VLDLR: variants seen among roughly 807,000 people sequenced by gnomAD.
VLDLR encodes the protein very low-density lipoprotein receptor.
Under a neutral mutation model 112.7 loss-of-function variants are expected in VLDLR, and 81 were observed. The observed-to-expected ratio is 0.72, with a 90% CI of 0.60 to 0.86. The LOEUF (loss-of-function observed/expected upper bound fraction) is 0.86, where lower values mean the gene tolerates loss of function less well. VLDLR is among the 40% of genes least tolerant of loss of function. The probability of loss-of-function intolerance (pLI) is 0.00; values close to 1 mark genes in which losing one functional copy is unlikely to be tolerated. For missense variants in VLDLR, 1,237 were observed against 1,099.4 expected, an observed-to-expected ratio of 1.13 and a Z score of -1.77; for synonymous variants, 436 against 384.8, an observed-to-expected ratio of 1.13 and a Z score of -1.56.
intron 17 of VLDLR, among the ~76,000 whole-genome samples, chr9:2,652,545 C>G (rs776626264): frequency 6.6e-6 from 1 of 152,280 alleles, no homozygotes; most frequent in Non-Finnish European, 1.5e-5. Flanking sequence ...GACCGAGGAC[C>G]CTGCCCTTGC....
At position 2,644,153 on chromosome 9, in the gene VLDLR, GTTT is replaced by G. The variant is rs59793046; in HGVS notation, c.1066+214_1066+216del. Among the ~76,000 whole-genome samples the G allele has an allele frequency of 6.9e-3, 665 of 96,314 alleles. No individual in the cohort carries two copies. The highest frequency in any genetic ancestry group is 0.012 in the African/African-American group (269 of 22,114). 63.2% of individuals were successfully genotyped at this position (96,314 alleles called of 152,430 possible). On this transcript the variant is annotated intron_variant, in intron 7 of 18. Coordinates refer to ENST00000382100, the MANE Select transcript of VLDLR (RefSeq NM_003383.5). ...CTAGTTTATAGTTTTTGTTTTTGTT[GTTT>G]TTTTTTTTTTTTTTTTTTTGAGATG...
In VLDLR at chr9:2,659,425, C is replaced by T. The variant is rs558506764; in HGVS notation, c.*5557C>T. On this transcript the variant is annotated 3_prime_UTR_variant, in exon 19 of 19. Transcript: ENST00000382100. Reference sequence around the variant, plus strand: ...TACTACTAGCACTACTACATCAGGTCAGCACAGATTAACTCAGTTACGTGT... The same window carrying T: ...TACTACTAGCACTACTACATCAGGTTAGCACAGATTAACTCAGTTACGTGT... 1 of 152,224 alleles carries T rather than the reference C, an allele frequency of 6.6e-6. No homozygotes were observed. The highest frequency in any genetic ancestry group is 1.5e-5 in the Non-Finnish European group (1 of 68,040). 9.4% of individuals were successfully genotyped at this position (152,224 alleles called of 1,614,324 possible).
chr9:2,653,728 C>G (rs1818463431), intron 18 of VLDLR, 105 bp from the exon 19 acceptor site: 2 of 1,180,608 alleles, frequency 1.7e-6, no homozygotes, highest in African/African-American at 1.5e-5. Flanking sequence ...TCTAAGCACT[C>G]TGAGTGTTTG....
At chr9:2,636,839 A>AT (rs956665271) in intron 2 of VLDLR, among the ~76,000 whole-genome samples, 16 of 152,086 alleles carry the variant, frequency 1.1e-4, no homozygotes, top group African/African-American at 3.1e-4. Context: ...GTAAGTTGCA[A>AT]TTTTTTTTCC....
intron 1 of VLDLR, among the ~76,000 whole-genome samples, chr9:2,630,197 T>C (rs1179965913): frequency 6.6e-6 from 1 of 152,200 alleles, no homozygotes; most frequent in Non-Finnish European, 1.5e-5. Context: ...TGTGGTACTT[T>C]GCCTCTTACA....
chr9:2,643,816 C>T, intron 6 of VLDLR, 21 bp from the exon 7 acceptor site: 1 of 1,614,170 alleles, frequency 6.2e-7, no homozygotes, highest in Admixed American at 1.7e-5. Flanking sequence ...TGGAATCTCT[C>T]TTCTTTGTTT....
In VLDLR at chr9:2,657,128, TAA is replaced by T. The variant is rs1307113831; in HGVS notation, c.*3262_*3263del. On this transcript the variant is annotated 3_prime_UTR_variant, in exon 19 of 19. Coordinates refer to ENST00000382100, the MANE Select transcript of VLDLR (RefSeq NM_003383.5). ...ACACTGTAGAAATGGTAGACCAACT[TAA>T]AGTCTACCTTTTAACAATCTTTACC... The T allele has an allele frequency of 6.6e-6, 1 of 152,090 alleles. No homozygotes were observed. Among genetic ancestry groups the T allele is most frequent in the Non-Finnish European group, 1.5e-5 (1 of 68,008 alleles). The allele number at this position is 152,090 out of a possible 1,614,324, so 9.4% of individuals were successfully genotyped here. A position where few individuals can be genotyped will look rare whatever the true frequency, so the allele number is the denominator to read the frequency against.
chr9:2,650,915 G>A (rs946661010), intron 15 of VLDLR, among the ~76,000 whole-genome samples: 1 of 151,940 alleles, frequency 6.6e-6, no homozygotes, highest in African/African-American at 2.4e-5. Flanking sequence ...TAACACTTAG[G>A]CTGAATTTGC....
At chr9:2,623,919 T>A (rs531408232) in intron 1 of VLDLR, among the ~76,000 whole-genome samples, 2 of 152,340 alleles carry the variant, frequency 1.3e-5, no homozygotes, top group African/African-American at 4.8e-5. Context: ...AATACTAACT[T>A]ATTAAACGAT....
chr9:2,630,399 C>T (rs1453224497), intron 1 of VLDLR, among the ~76,000 whole-genome samples: 4 of 152,144 alleles, frequency 2.6e-5, no homozygotes, highest in African/African-American at 7.2e-5. Flanking sequence ...CAGCAAGTAA[C>T]ACCCATATGC....
At chr9:2,623,283 C>T (rs1401298856) in intron 1 of VLDLR, among the ~76,000 whole-genome samples, 1 of 152,242 alleles carries the variant, frequency 6.6e-6, no homozygotes, top group Non-Finnish European at 1.5e-5. Context: ...CGTAACTTTC[C>T]TGGACAGGCG....
intron 1 of VLDLR, 65 bp from the exon 2 acceptor site, chr9:2,635,388 G>A: frequency 1.9e-6 from 3 of 1,610,432 alleles, no homozygotes; most frequent in South Asian, 2.2e-5. Context: ...CCCCATCCAT[G>A]GGTATTAGGT....
At chr9:2,624,909 C>T (rs569295062) in intron 1 of VLDLR, among the ~76,000 whole-genome samples, 1 of 152,324 alleles carries the variant, frequency 6.6e-6, no homozygotes, top group Admixed American at 6.5e-5. Flanking sequence ...CCCTCTTGCC[C>T]ACTTTATGTG....
Position 2,653,968 on chromosome 9 carries a change from C to CCGAG in VLDLR, c.*100_*101insCGAG. 2 of 1,247,182 alleles carry CCGAG rather than the reference C, an allele frequency of 1.6e-6. No homozygotes were observed. The highest frequency in any genetic ancestry group is 2.4e-6 in the Non-Finnish European group (2 of 849,338). 77.3% of individuals were successfully genotyped at this position (1,247,182 alleles called of 1,614,324 possible). A position where few individuals can be genotyped will look rare whatever the true frequency, so the allele number is the denominator to read the frequency against. On this transcript the variant is annotated 3_prime_UTR_variant, in exon 19 of 19. Coordinates refer to ENST00000382100, the MANE Select transcript of VLDLR (RefSeq NM_003383.5). ...TGAAGTCTCTTTTTCTTCCTCTCGG[C>CCGAG]TGGAAGAACATCAAGATACCTTTGC...
rs998390133 is a variant in VLDLR at position 2,644,668 on chromosome 9, G to T, written c.1067-66G>T. 3 of 1,608,078 alleles carry T rather than the reference G, an allele frequency of 1.9e-6. No homozygotes were observed. The African/African-American group carries it at 4.0e-5, about 22-fold the overall frequency. ...TAGATAAGTTATCACAAATAGCCTGGGTTTTAAATGTGAAAGATATTAATT... is the reference window on the plus strand; with the variant it reads ...TAGATAAGTTATCACAAATAGCCTGTGTTTTAAATGTGAAAGATATTAATT... On this transcript the variant is annotated intron_variant, in intron 7 of 18. Coordinates refer to ENST00000382100, the MANE Select transcript of VLDLR (RefSeq NM_003383.5).
chr9:2,649,461 G>A lies in VLDLR; in HGVS notation c.2104+651G>A, dbSNP rs1454742369. 3.3e-5 allele frequency among the ~76,000 whole-genome samples: 5 copies of A among 152,098 alleles called. No individual in the cohort carries two copies. In the South Asian group the frequency reaches 6.3e-4, roughly 19 times the overall value. ...GGCTGGAGTGCAGTGGCACAATCTC[G>A]GCTCACTGCAACCTCCGCCTCCTGT... On this transcript the variant is annotated intron_variant, in intron 14 of 18. Coordinates refer to ENST00000382100, the MANE Select transcript of VLDLR (RefSeq NM_003383.5).
At chr9:2,637,773 C>G (rs563288201) in intron 2 of VLDLR, among the ~76,000 whole-genome samples, 1 of 152,154 alleles carries the variant, frequency 6.6e-6, no homozygotes, top group South Asian at 2.1e-4. Flanking sequence ...AACCCCGTCT[C>G]CACTAAAAAT....
intron 11 of VLDLR, among the ~76,000 whole-genome samples, chr9:2,647,250 T>C (rs1818116234): frequency 6.6e-6 from 1 of 152,180 alleles, no homozygotes; most frequent in South Asian, 2.1e-4. Flanking sequence ...GGGCCGAAAT[T>C]TAAATGTCAG....
At chr9:2,634,712 C>G (rs1294228936) in intron 1 of VLDLR, among the ~76,000 whole-genome samples, 1 of 152,222 alleles carries the variant, frequency 6.6e-6, no homozygotes, top group Non-Finnish European at 1.5e-5. Flanking sequence ...ATCTTCCTTT[C>G]CCTCTTAACT....
Sources: allele counts gnomAD v4.1 joint callset (sites outside exome capture counted in the v4.1 genomes callset), GRCh38; gene constraint gnomAD v4.1.1; transcripts MANE v1.5; gene names NCBI Gene and HGNC (gene_info 2026-07-23, HGNC 2026-07-21).